GRIK4: variants seen among roughly 807,000 people sequenced by gnomAD.
GRIK4 encodes glutamate receptor ionotropic, kainate 4.
GRIK4 carries 40 observed loss-of-function variants against 104.9 expected under a neutral mutation model. That is an observed-to-expected ratio of 0.38 (90% CI 0.30 to 0.50). The LOEUF is 0.50. GRIK4 is among the 20% of genes least tolerant of loss of function. The pLI is 0.93. For missense variants in GRIK4, 1,047 were observed against 1,308.1 expected (o/e 0.80, Z 3.08); for synonymous variants, 485 against 524.9 (o/e 0.92, Z 1.04).
At chr11:120,924,149 C>T (rs1464827125) in intron 13 of GRIK4, among the ~76,000 whole-genome samples, 1 of 152,186 alleles carries the variant, frequency 6.6e-6, no homozygotes, top group African/African-American at 2.4e-5. Flanking sequence ...GACTCTTCTT[C>T]ATCCAAATGA....
At chr11:120,630,410 G>A (rs920658352) in intron 1 of GRIK4, among the ~76,000 whole-genome samples, 1 of 152,258 alleles carries the variant, frequency 6.6e-6, no homozygotes, top group African/African-American at 2.4e-5. Flanking sequence ...GGTTGCACGT[G>A]CTCCTGGCAG....
intron 11 of GRIK4, among the ~76,000 whole-genome samples, chr11:120,892,777 G>A (rs959628815): frequency 1.3e-5 from 2 of 152,152 alleles, no homozygotes; most frequent in Non-Finnish European, 2.9e-5. Context: ...AGGACTATGG[G>A]TAGCCCCTAC....
chr11:120,514,269 A>G (rs1947696916), intron 1 of GRIK4, among the ~76,000 whole-genome samples: 1 of 152,168 alleles, frequency 6.6e-6, no homozygotes, highest in South Asian at 2.1e-4. Context: ...GTTCTGCAGC[A>G]TTCCAGATGC....
Position 120,944,173 on chromosome 11 carries a change from C to T in GRIK4, c.1590+3713C>T, listed in dbSNP as rs369170192. Among the ~76,000 whole-genome samples the T allele has an allele frequency of 1.9e-3, 278 of 150,006 alleles. 1 individual carries two copies. The highest frequency in any genetic ancestry group is 6.2e-3 in the African/African-American group (253 of 40,708). ...CTGTCTCTCTCTCTCTCTCCTCCCC[C>T]CCGTCCCACCCTCCTTCCCTCCCTT... On this transcript the variant is annotated intron_variant, in intron 14 of 20. Coordinates refer to ENST00000527524, the MANE Select transcript of GRIK4 (RefSeq NM_014619.5).
At chr11:120,785,391 A>C (rs1308839498) in intron 3 of GRIK4, among the ~76,000 whole-genome samples, 1 of 152,212 alleles carries the variant, frequency 6.6e-6, no homozygotes. Context: ...CACAGAGAGC[A>C]AGGAACTGTT....
chr11:120,620,264 C>T, intron 1 of GRIK4: 1 of 743,114 alleles, frequency 1.3e-6, no homozygotes, highest in Non-Finnish European at 2.5e-6. Context: ...TTCTCCTCGC[C>T]ATCCATTTTG....
At chr11:120,882,088 T>C (rs1263309568) in intron 11 of GRIK4, among the ~76,000 whole-genome samples, 2 of 152,126 alleles carry the variant, frequency 1.3e-5, no homozygotes, top group East Asian at 3.9e-4. Context: ...CATGGAAGAA[T>C]AGTGAGGGGC....
In GRIK4 at chr11:120,962,677, A is replaced by G; in HGVS notation, c.2262A>G (p.Pro754=). 1 of 1,608,916 alleles carries G rather than the reference A, an allele frequency of 6.2e-7. No individual in the cohort carries two copies. Among genetic ancestry groups the G allele is most frequent in the Non-Finnish European group, 8.5e-7 (1 of 1,175,240 alleles). ...LDTKGYGIGM[P]VGSVFRDEFD... is the part of the protein sequence containing the mutation. ...CCAAGGGCTATGGGATTGGCATGCC[A>G]GTCGGTATGCGGGAGAGGAACAGCC... The change falls in exon 18 of 21, where the codon CCA becomes CCG. Residue 754 remains proline, a synonymous_variant. Coordinates refer to ENST00000527524, the MANE Select transcript of GRIK4 (RefSeq NM_014619.5).
At chr11:120,942,252 G>A (rs1943743028) in intron 14 of GRIK4, among the ~76,000 whole-genome samples, 1 of 152,208 alleles carries the variant, frequency 6.6e-6, no homozygotes, top group South Asian at 2.1e-4. Flanking sequence ...GGCTGAGCCT[G>A]GAACCCAGGC....
At chr11:120,935,709 A>C (rs759141202) in intron 13 of GRIK4, among the ~76,000 whole-genome samples, 1 of 152,204 alleles carries the variant, frequency 6.6e-6, no homozygotes, top group Non-Finnish European at 1.5e-5. Context: ...GGAGTCAACT[A>C]AAGATGAATA....
chr11:120,892,960 A>G (rs188698282), intron 11 of GRIK4, among the ~76,000 whole-genome samples: 53 of 152,362 alleles, frequency 3.5e-4, no homozygotes, highest in African/African-American at 1.2e-3. Context: ...GCTCACAGTG[A>G]GAAAAGAAAC....
chr11:120,557,258 G>A (rs1031938014), intron 1 of GRIK4, among the ~76,000 whole-genome samples: 2 of 152,164 alleles, frequency 1.3e-5, no homozygotes, highest in Admixed American at 6.5e-5. Flanking sequence ...CTCGTGTTCA[G>A]CACACCATCC....
chr11:120,912,974 C>G (rs757584284), intron 13 of GRIK4, among the ~76,000 whole-genome samples: 3 of 152,186 alleles, frequency 2.0e-5, no homozygotes, highest in Non-Finnish European at 4.4e-5. Context: ...CACAGTCAGG[C>G]AAGTATCTGT....
chr11:120,839,435 C>A (rs576791438), intron 8 of GRIK4, among the ~76,000 whole-genome samples: 36 of 152,204 alleles, frequency 2.4e-4, no homozygotes, highest in Non-Finnish European at 4.4e-4. Context: ...CCAGGAACCT[C>A]TTCTGTAAGT....
rs1260692837 is a variant in GRIK4 at position 120,815,354 on chromosome 11, CCCTGTCCCTG to C, written c.248-21_248-12del. 1 of 1,410,228 alleles carries C rather than the reference CCCTGTCCCTG, an allele frequency of 7.1e-7. No individual in the cohort carries two copies. Among genetic ancestry groups the C allele is most frequent in the Non-Finnish European group, 9.8e-7 (1 of 1,019,904 alleles). The allele number at this position is 1,410,228 out of a possible 1,614,324, so 87.4% of individuals were successfully genotyped here. ...GACCTGATGAGTGCTTTGCTTCTTT[CCCTGTCCCTG>C]CCGCTGGCTGCAGTGTGTCAGATCC... On this transcript the variant is annotated splice_polypyrimidine_tract_variant and intron_variant, in intron 4 of 20. Transcript: ENST00000527524.
intron 3 of GRIK4, among the ~76,000 whole-genome samples, chr11:120,766,637 G>A (rs1318279045): frequency 7.9e-5 from 12 of 152,118 alleles, no homozygotes; most frequent in Non-Finnish European, 1.2e-4. Context: ...TGGGAAAAGC[G>A]TAGTATCTGG....
intron 1 of GRIK4, among the ~76,000 whole-genome samples, chr11:120,561,450 C>T (rs900161461): frequency 1.1e-4 from 17 of 152,186 alleles, no homozygotes; most frequent in African/African-American, 4.1e-4. Flanking sequence ...AGCAACATGG[C>T]GCTGGTGACA....
chr11:120,857,746 T>A (rs1414284771), intron 8 of GRIK4, among the ~76,000 whole-genome samples: 2 of 152,196 alleles, frequency 1.3e-5, no homozygotes, highest in Non-Finnish European at 2.9e-5. Context: ...TTCAATCAAC[T>A]GTCCTCAAAA....
chr11:120,721,326 G>A (rs1950930608), intron 3 of GRIK4, among the ~76,000 whole-genome samples: 1 of 152,180 alleles, frequency 6.6e-6, no homozygotes, highest in African/African-American at 2.4e-5. Context: ...CTTTGAGAGT[G>A]CAGTTTCAAG....
Sources: allele counts gnomAD v4.1 joint callset (sites outside exome capture counted in the v4.1 genomes callset), GRCh38; gene constraint gnomAD v4.1.1; transcripts MANE v1.5; gene names NCBI Gene and HGNC (gene_info 2026-07-23, HGNC 2026-07-21).